PREX2: variants seen among roughly 807,000 people sequenced by gnomAD.
PREX2 encodes phosphatidylinositol 3,4,5-trisphosphate-dependent Rac exchanger 2 protein.
PREX2 carries 107 observed loss-of-function variants against 203.2 expected under a neutral mutation model. The observed-to-expected ratio is 0.53, with a 90% confidence interval of 0.45 to 0.62. PREX2 has a LOEUF of 0.62. Among genes scored for constraint, PREX2 ranks in the 20% least tolerant of loss-of-function variants. The pLI is 0.00. For synonymous variants in PREX2, 672 were observed against 663.6 expected (o/e 1.01, Z -0.19); for missense variants, 1,777 against 1,955.9 (o/e 0.91, Z 1.72).
intron 35 of PREX2, among the ~76,000 whole-genome samples, chr8:68,188,643 G>A (rs578109685): frequency 1.4e-4 from 21 of 152,248 alleles, no homozygotes; most frequent in Non-Finnish European, 2.1e-4. Context: ...TGAGGAGCAA[G>A]GTCACATCTT....
intron 23 of PREX2, among the ~76,000 whole-genome samples, chr8:68,104,704 CT>C (rs1240849686): frequency 1.3e-5 from 2 of 152,234 alleles, no homozygotes; most frequent in East Asian, 3.8e-4. Context: ...TCTCCTCTCA[CT>C]GGAATGTAAC....
chr8:68,180,256 C>T (rs1812058957), intron 35 of PREX2, among the ~76,000 whole-genome samples: 2 of 152,060 alleles, frequency 1.3e-5, no homozygotes, highest in Non-Finnish European at 2.9e-5. Context: ...CATCCTTGTC[C>T]TAGTGTGTTT....
chr8:68,056,111 G>GCTACCGCCCAGGAAAT, intron 10 of PREX2, 137 bp downstream of exon 10: 3 of 796,186 alleles, frequency 3.8e-6, no homozygotes, highest in Non-Finnish European at 6.0e-6. Context: ...GCCATTTCCT[G>GCTACCGCCCAGGAAAT]GGCGGTAGCA....
At chr8:68,043,683 T>C (rs368879751) in intron 7 of PREX2, among the ~76,000 whole-genome samples, 1 of 152,096 alleles carries the variant, frequency 6.6e-6, no homozygotes, top group East Asian at 1.9e-4. Flanking sequence ...TCCCCTTGAA[T>C]CATTTCTTAG....
intron 21 of PREX2, among the ~76,000 whole-genome samples, chr8:68,094,726 T>TC (rs1348594983): frequency 2.0e-5 from 3 of 152,152 alleles, no homozygotes; most frequent in African/African-American, 7.2e-5. Context: ...TGTGGGGTTT[T>TC]CCCCCATACC....
intron 31 of PREX2, among the ~76,000 whole-genome samples, chr8:68,132,465 T>C (rs933679542): frequency 6.6e-6 from 1 of 152,068 alleles, no homozygotes; most frequent in Non-Finnish European, 1.5e-5. Context: ...AATAAGTGAA[T>C]ATTCAGATAC....
intron 1 of PREX2, among the ~76,000 whole-genome samples, chr8:67,977,991 A>C (rs1806156921): frequency 1.3e-5 from 2 of 152,162 alleles, no homozygotes; most frequent in African/African-American, 4.8e-5. Context: ...CTCACAAACT[A>C]ATCATACCCA....
At chr8:67,958,516 G>A (rs1422433116) in intron 1 of PREX2, among the ~76,000 whole-genome samples, 1 of 152,158 alleles carries the variant, frequency 6.6e-6, no homozygotes, top group African/African-American at 2.4e-5. Context: ...TTGTTTCTTA[G>A]CAAGAGAATT....
intron 32 of PREX2, among the ~76,000 whole-genome samples, chr8:68,137,876 G>A (rs1044183920): frequency 5.3e-5 from 8 of 152,170 alleles, no homozygotes; most frequent in African/African-American, 1.9e-4. Context: ...GCCAAGTGAG[G>A]TGAAAATGAT....
chr8:68,184,656 T>C (rs1812153193), intron 35 of PREX2, among the ~76,000 whole-genome samples: 1 of 152,150 alleles, frequency 6.6e-6, no homozygotes, highest in Admixed American at 6.6e-5. Context: ...AAATCTGGGC[T>C]GAATAGTATA....
At chr8:68,205,713 G>C (rs1044003552) in intron 37 of PREX2, among the ~76,000 whole-genome samples, 2 of 152,176 alleles carry the variant, frequency 1.3e-5, no homozygotes, top group African/African-American at 4.8e-5. Flanking sequence ...TCACAGTCGT[G>C]CTCTGTAAAA....
intron 30 of PREX2, among the ~76,000 whole-genome samples, chr8:68,126,707 A>G (rs531662566): frequency 6.6e-6 from 1 of 152,064 alleles, no homozygotes; most frequent in South Asian, 2.1e-4. Context: ...CCTATTGCAC[A>G]TAAACTATAA....
intron 1 of PREX2, among the ~76,000 whole-genome samples, chr8:67,987,053 T>A (rs1806452317): frequency 6.8e-6 from 1 of 146,364 alleles, no homozygotes; most frequent in Non-Finnish European, 1.5e-5. Context: ...CTTGGGAAGC[T>A]GAGGCAGGAG....
At chr8:68,123,005 A>G (rs1428090291) in intron 30 of PREX2, among the ~76,000 whole-genome samples, 1 of 152,070 alleles carries the variant, frequency 6.6e-6, no homozygotes, top group African/African-American at 2.4e-5. Context: ...AGATATCTGT[A>G]GATGTCTATC....
chr8:68,197,763 T>G (rs938063525), intron 37 of PREX2, among the ~76,000 whole-genome samples: 1 of 148,282 alleles, frequency 6.7e-6, no homozygotes, highest in African/African-American at 2.5e-5. Context: ...ATATGCTATA[T>G]TATATATATG....
chr8:68,139,444 T>C (rs1811178058), intron 33 of PREX2, among the ~76,000 whole-genome samples: 1 of 152,014 alleles, frequency 6.6e-6, no homozygotes, highest in African/African-American at 2.4e-5. Flanking sequence ...GAAAAAGAGA[T>C]GGAAACAGCA....
intron 1 of PREX2, among the ~76,000 whole-genome samples, chr8:68,004,348 T>C (rs1807031387): frequency 6.6e-6 from 1 of 152,252 alleles, no homozygotes; most frequent in South Asian, 2.1e-4. Flanking sequence ...TGACTATTTA[T>C]GATAGAAAAA....
At chr8:68,166,208 C>T (rs1417591331) in intron 35 of PREX2, among the ~76,000 whole-genome samples, 1 of 152,098 alleles carries the variant, frequency 6.6e-6, no homozygotes, top group Non-Finnish European at 1.5e-5. Context: ...AGACCTTTGA[C>T]CAAAGACTGG....
chr8:68,060,006 A>G (rs533657233), intron 10 of PREX2, among the ~76,000 whole-genome samples: 9 of 152,292 alleles, frequency 5.9e-5, no homozygotes, highest in African/African-American at 1.9e-4. Flanking sequence ...AATCAGGCCC[A>G]CTGGGATAAT....
Sources: allele counts gnomAD v4.1 joint callset (sites outside exome capture counted in the v4.1 genomes callset), GRCh38; gene constraint gnomAD v4.1.1; transcripts MANE v1.5; gene names NCBI Gene and HGNC (gene_info 2026-07-23, HGNC 2026-07-21).